The following TANC1 variants were observed in gnomAD, a reference collection of about 807,000 sequenced individuals.
TANC1 encodes the protein protein TANC1.
Under a neutral mutation model 149.7 loss-of-function variants are expected in TANC1, and 77 were observed. The ratio of observed to expected loss-of-function variants is 0.51; its 90% CI spans 0.43 to 0.62. The LOEUF (loss-of-function observed/expected upper bound fraction) is 0.62, where lower values mean the gene tolerates loss of function less well. Ranked by LOEUF, TANC1 falls within the 20% of genes least tolerant of loss-of-function variation. The pLI is 0.00. For missense variants in TANC1, 1,985 were observed against 2,321.8 expected (o/e 0.85, Z 2.98); for synonymous variants, 854 against 925.0 (o/e 0.92, Z 1.39).
intron 3 of TANC1, among the ~76,000 whole-genome samples, chr2:159,068,648 A>G (rs1454547896): frequency 1.3e-5 from 2 of 152,230 alleles, no homozygotes; most frequent in African/African-American, 4.8e-5. Context: ...TATCACCTAT[A>G]TCTATAGGTA....
Position 159,156,835 on chromosome 2 carries a change from A to AATT in TANC1, c.682+6279_682+6280insATT, listed in dbSNP as rs1553585029. ...TAAGTCCTTAGACTTGTCTCTGGAG[A>AATT]CTTCTCAGTTGGGCAGTGTGGTGGG... On this transcript the variant is annotated intron_variant, in intron 7 of 26. Transcript: ENST00000263635. Among the ~76,000 whole-genome samples, 67 of 152,270 alleles carry AATT rather than the reference A, an allele frequency of 4.4e-4. 1 individual carries two copies. Among genetic ancestry groups the AATT allele is most frequent in the Admixed American group, 1.8e-3 (27 of 15,298 alleles).
At chr2:159,127,065 G>A (rs2049525963) in intron 4 of TANC1, among the ~76,000 whole-genome samples, 1 of 152,156 alleles carries the variant, frequency 6.6e-6, no homozygotes, top group Non-Finnish European at 1.5e-5. Flanking sequence ...ACTACAAACT[G>A]GAACTTGAAA....
intron 8 of TANC1, among the ~76,000 whole-genome samples, chr2:159,166,348 A>G (rs1423301708): frequency 6.6e-6 from 1 of 152,142 alleles, no homozygotes; most frequent in South Asian, 2.1e-4. Flanking sequence ...ACTTTAGCAA[A>G]TGTTCTTCTT....
intron 3 of TANC1, among the ~76,000 whole-genome samples, chr2:159,093,714 A>G (rs1002007919): frequency 6.6e-6 from 1 of 152,208 alleles, no homozygotes; most frequent in Non-Finnish European, 1.5e-5. Context: ...GAGATGGTAA[A>G]GTAAACTTGA....
At chr2:159,163,818 C>T (rs1209673444) in intron 8 of TANC1, among the ~76,000 whole-genome samples, 1 of 84,734 alleles carries the variant, frequency 1.2e-5, no homozygotes, top group Non-Finnish European at 3.0e-5. Context: ...TATAAAAACT[C>T]TCCTCTCGGT....
chr2:159,167,032 G>T lies in TANC1; in HGVS notation c.947-2218G>T, dbSNP rs895134600. Among the ~76,000 whole-genome samples, 10 of 152,110 alleles carry T rather than the reference G, an allele frequency of 6.6e-5. No homozygotes were observed. The East Asian group carries it at 7.7e-4, about 12-fold the overall frequency. ...TTTAGATACAATCTAGGGCATTTTT[G>T]CAATCCTTTATTTGGAATGTCTTTT... On this transcript the variant is annotated intron_variant, in intron 8 of 26. Coordinates refer to ENST00000263635, the MANE Select transcript of TANC1 (RefSeq NM_033394.3).
chr2:159,134,403 C>T (rs1005675301), intron 4 of TANC1, among the ~76,000 whole-genome samples: 2 of 152,104 alleles, frequency 1.3e-5, no homozygotes, highest in Non-Finnish European at 2.9e-5. Context: ...CTCCTGGGCT[C>T]AAGTGATCCT....
chr2:158,978,344 A>G (rs2033929164), intron 1 of TANC1, among the ~76,000 whole-genome samples: 1 of 152,174 alleles, frequency 6.6e-6, no homozygotes, highest in Non-Finnish European at 1.5e-5. Flanking sequence ...CAGAACCAAG[A>G]CAGCAGGACC....
At chr2:158,979,338 T>A (rs1015377891) in intron 1 of TANC1, among the ~76,000 whole-genome samples, 12 of 151,808 alleles carry the variant, frequency 7.9e-5, no homozygotes, top group East Asian at 1.9e-4. Context: ...AATTTTTTTT[T>A]AAAAATTAGC....
chr2:159,086,570 G>C lies in TANC1; in HGVS notation c.62-11067G>C, dbSNP rs1574560631. On this transcript the variant is annotated intron_variant, in intron 3 of 26. Transcript: ENST00000263635. The stretch of plus-strand genomic sequence containing the variant: ...GGACTCATGACAGCAGGAGCCTCAA[G>C]AACTTGGCAGGTGTCCAATGTGGCA... Among the ~76,000 whole-genome samples the C allele has an allele frequency of 2.0e-5, 3 of 152,282 alleles. No homozygotes were observed. In the South Asian group the frequency reaches 6.2e-4, roughly 32 times the overall value.
At chr2:159,156,874 G>C (rs1048640617) in intron 7 of TANC1, among the ~76,000 whole-genome samples, 1 of 152,120 alleles carries the variant, frequency 6.6e-6, no homozygotes, top group African/African-American at 2.4e-5. Context: ...CATCCTCCCC[G>C]CCCAGCACCA....
At chr2:159,201,159 A>G (rs1193797849) in intron 19 of TANC1, among the ~76,000 whole-genome samples, 3 of 152,160 alleles carry the variant, frequency 2.0e-5, no homozygotes, top group African/African-American at 7.2e-5. Context: ...TGCCCCTTCA[A>G]AGACAACCAC....
chr2:159,061,545 A>G (rs962986970), intron 2 of TANC1, among the ~76,000 whole-genome samples: 2 of 152,260 alleles, frequency 1.3e-5, no homozygotes, highest in African/African-American at 4.8e-5. Flanking sequence ...TCATGCTTCT[A>G]CGTGGCTGTC....
At position 159,223,825 on chromosome 2, in the gene TANC1, G is replaced by C. The variant is rs62172668; in HGVS notation, c.3679-407G>C. ...CCGTGCACAGGTTGTGTGGGTCTGAGTATTTCTAAAGTCACCACTGCTGTG... is the reference window on the plus strand; with the variant it reads ...CCGTGCACAGGTTGTGTGGGTCTGACTATTTCTAAAGTCACCACTGCTGTG... On this transcript the variant is annotated intron_variant, in intron 22 of 26. Coordinates refer to ENST00000263635, the MANE Select transcript of TANC1 (RefSeq NM_033394.3). Among the ~76,000 whole-genome samples the C allele has an allele frequency of 1.5e-3, 235 of 152,336 alleles. 1 individual carries two copies. Among genetic ancestry groups the C allele is most frequent in the Admixed American group, 4.2e-3 (64 of 15,298 alleles).
At chr2:159,059,886 CTT>C (rs1553532903) in intron 2 of TANC1, among the ~76,000 whole-genome samples, 2 of 50,934 alleles carry the variant, frequency 3.9e-5, no homozygotes, top group Non-Finnish European at 8.7e-5. Context: ...TAGCAGACCT[CTT>C]TGTGTGTGTG....
chr2:159,110,933 G>A (rs867232428), intron 4 of TANC1, among the ~76,000 whole-genome samples: 3 of 152,192 alleles, frequency 2.0e-5, no homozygotes, highest in East Asian at 3.9e-4. Context: ...CTGGGAATAG[G>A]ACATGAAAGT....
intron 1 of TANC1, among the ~76,000 whole-genome samples, chr2:158,983,504 A>G (rs2034656580): frequency 6.6e-6 from 1 of 151,778 alleles, no homozygotes; most frequent in Non-Finnish European, 1.5e-5. Context: ...ACAAACAACA[A>G]AAAAGTAGTA....
At chr2:159,216,815 G>A (rs753165473) in intron 19 of TANC1, among the ~76,000 whole-genome samples, 2 of 152,064 alleles carry the variant, frequency 1.3e-5, no homozygotes, top group African/African-American at 2.4e-5. Flanking sequence ...ATCTTGACTT[G>A]TTAAAGAGAT....
chr2:159,159,498 C>G (rs62171109), intron 7 of TANC1, among the ~76,000 whole-genome samples: 4,383 of 151,510 alleles, frequency 0.029, 77 homozygotes, highest in African/African-American at 0.049. Context: ...TATTTCAGAG[C>G]CTTGCAGAGC....
Sources: allele counts gnomAD v4.1 joint callset (sites outside exome capture counted in the v4.1 genomes callset), GRCh38; gene constraint gnomAD v4.1.1; transcripts MANE v1.5; gene names NCBI Gene and HGNC (gene_info 2026-07-23, HGNC 2026-07-21).